MEIG1: variants seen among roughly 807,000 people sequenced by gnomAD.
MEIG1 encodes the protein meiosis expressed gene 1 protein homolog.
MEIG1 carries 12 observed loss-of-function variants against 11.3 expected under a neutral mutation model. The ratio of observed to expected loss-of-function variants is 1.07; its 90% CI spans 0.68 to 1.73. The LOEUF (loss-of-function observed/expected upper bound fraction) is 1.73, where lower values mean the gene tolerates loss of function less well. Ranked by LOEUF, MEIG1 falls within the 40% of genes most tolerant of loss-of-function variation. MEIG1 has a pLI of 0.00. For missense variants in MEIG1, 119 were observed against 104.9 expected, an observed-to-expected ratio of 1.13 and a Z score of -0.59; for synonymous variants, 41 against 33.2, an observed-to-expected ratio of 1.24 and a Z score of -0.81.
At chr10:14,985,624 G>T (rs776408378) in intron 1 of MEIG1, among the ~76,000 whole-genome samples, 1 of 151,960 alleles carries the variant, frequency 6.6e-6, no homozygotes, top group Non-Finnish European at 1.5e-5. Flanking sequence ...CACCACCTGT[G>T]ATATTATTCA....
At chr10:14,964,606 TATAC>T (rs758710436) in intron 1 of MEIG1, among the ~76,000 whole-genome samples, 22,599 of 104,328 alleles carry the variant, frequency 0.22, 2,581 homozygotes, top group Middle Eastern at 0.29. Context: ...TATATATATA[TATAC>T]ACACACACAC....
At chr10:14,960,947 T>C (rs959344894) in intron 1 of MEIG1, among the ~76,000 whole-genome samples, 1 of 152,106 alleles carries the variant, frequency 6.6e-6, no homozygotes, top group Non-Finnish European at 1.5e-5. Flanking sequence ...GAGAATCGCT[T>C]TAACCTGGGA....
In MEIG1 at chr10:14,965,574, G is replaced by C. The variant is rs188070976; in HGVS notation, c.-29-866G>C. 2.9e-3 allele frequency among the ~76,000 whole-genome samples: 435 copies of C among 152,150 alleles called. 4 individuals are homozygous for C. Among genetic ancestry groups the C allele is most frequent in the Admixed American group, 0.025 (387 of 15,264 alleles). On this transcript the variant is annotated intron_variant, in intron 1 of 2. Transcript: ENST00000407572. ...CCTCAGTAAATGAATTGCAGCAATT[G>C]GGATGTCTCCAAGCAATTAAGAAGT... is the stretch of plus-strand genomic sequence containing the variant.
At chr10:14,974,634 A>G (rs1484190851), downstream of MEIG1, among the ~76,000 whole-genome samples, 1 of 152,120 alleles carries the variant, frequency 6.6e-6, no homozygotes, top group Non-Finnish European at 1.5e-5. Context: ...ACTAATAACT[A>G]TCAATATTAA....
chr10:14,966,091 T>G (rs1217083740), intron 1 of MEIG1, among the ~76,000 whole-genome samples: 1 of 95,548 alleles, frequency 1.0e-5, no homozygotes, highest in African/African-American at 4.0e-5. Context: ...TGAGATGGAG[T>G]CTTGCTCTGT....
chr10:14,974,230 A>G (rs1468564321), downstream of MEIG1, among the ~76,000 whole-genome samples: 1 of 152,024 alleles, frequency 6.6e-6, no homozygotes, highest in Non-Finnish European at 1.5e-5. Context: ...GGTTTTGACA[A>G]TCAGCTGGTG....
chr10:14,977,056 C>T (rs1843217156), downstream of MEIG1, among the ~76,000 whole-genome samples: 1 of 151,858 alleles, frequency 6.6e-6, no homozygotes, highest in African/African-American at 2.4e-5. Context: ...TGTCCTAGCG[C>T]AATTTTACTT....
chr10:14,968,575 T>G (rs1315194453), intron 2 of MEIG1, among the ~76,000 whole-genome samples: 1 of 152,126 alleles, frequency 6.6e-6, no homozygotes, highest in African/African-American at 2.4e-5. Flanking sequence ...TGTTATTACC[T>G]CTTTAATAGA....
intron 1 of MEIG1, among the ~76,000 whole-genome samples, chr10:14,981,462 C>T (rs1167666405): frequency 6.6e-6 from 1 of 152,110 alleles, no homozygotes; most frequent in Non-Finnish European, 1.5e-5. Flanking sequence ...AAGTCCGAGG[C>T]GAGCAGAAAG....
intron 1 of MEIG1, among the ~76,000 whole-genome samples, chr10:14,984,885 G>T (rs1250749108): frequency 1.3e-5 from 2 of 151,788 alleles, no homozygotes; most frequent in African/African-American, 4.8e-5. Context: ...TCCTGTACAC[G>T]CTTCAATATT....
chr10:14,981,827 C>G (rs1265529252), intron 1 of MEIG1, among the ~76,000 whole-genome samples: 2 of 152,208 alleles, frequency 1.3e-5, no homozygotes, highest in Admixed American at 1.3e-4. Flanking sequence ...AGCTGAGTTT[C>G]TTTCCCAGGG....
Position 14,987,307 on chromosome 10 carries a change from G to C in MEIG1, n.285+293G>C, listed in dbSNP as rs913994700. ...AGCTGACAGCCAGGATGCTGAGCAGGTTCCTCAGAACCATGACCAGATACA... is the reference window on the plus strand; with the variant it reads ...AGCTGACAGCCAGGATGCTGAGCAGCTTCCTCAGAACCATGACCAGATACA... On this transcript the variant is annotated intron_variant and non_coding_transcript_variant, in intron 2 of 2. Coordinates refer to the MEIG1 transcript ENST00000467536. 3.6e-5 allele frequency: 29 copies of C among 805,910 alleles called. No homozygotes were observed. The Admixed American group carries it at 5.2e-4, about 14-fold the overall frequency. The allele number at this position is 805,910 out of a possible 1,614,324, so 49.9% of individuals were successfully genotyped here.
intron 2 of MEIG1, chr10:14,987,474 G>A: frequency 1.4e-6 from 1 of 714,298 alleles, no homozygotes; most frequent in East Asian, 2.7e-5. Context: ...AAGGAAAGAG[G>A]ATTGGAAAAT....
intron 1 of MEIG1, among the ~76,000 whole-genome samples, chr10:14,986,531 C>G (rs1198549649): frequency 6.6e-6 from 1 of 152,154 alleles, no homozygotes; most frequent in East Asian, 1.9e-4. Flanking sequence ...CAATTATCCA[C>G]TTGTCTTCAT....
downstream of MEIG1, among the ~76,000 whole-genome samples, chr10:14,977,239 C>T (rs868518866): frequency 5.9e-5 from 9 of 151,894 alleles, no homozygotes; most frequent in Non-Finnish European, 1.2e-4. Context: ...AATATTCTAG[C>T]GAGATGATAC....
In MEIG1 at chr10:14,972,501, C is replaced by T; in HGVS notation, c.139-12C>T. 1 of 1,613,862 alleles carries T rather than the reference C, an allele frequency of 6.2e-7. No individual in the cohort carries two copies. Among genetic ancestry groups the T allele is most frequent in the Non-Finnish European group, 8.5e-7 (1 of 1,179,864 alleles). On this transcript the variant is annotated splice_polypyrimidine_tract_variant and intron_variant, in intron 2 of 2. Coordinates refer to ENST00000407572, the MANE Select transcript of MEIG1 (RefSeq NM_001080836.3). ...CCATTGTAACGTTTGTACTCTGGTT[C>T]TTGATGTGCAGGTAGATCGTTGGCC...
At chr10:14,970,807 T>C (rs998385557) in intron 2 of MEIG1, among the ~76,000 whole-genome samples, 1 of 152,212 alleles carries the variant, frequency 6.6e-6, no homozygotes, top group Admixed American at 6.5e-5. Flanking sequence ...GGTGCAGGAC[T>C]ACCTGTATAG....
chr10:14,968,312 AC>A (rs1311784450), intron 2 of MEIG1, among the ~76,000 whole-genome samples: 1 of 151,958 alleles, frequency 6.6e-6, no homozygotes, highest in Non-Finnish European at 1.5e-5. Flanking sequence ...ACATGGTGAA[AC>A]CCTGTCTCTA....
intron 2 of MEIG1, among the ~76,000 whole-genome samples, chr10:14,969,441 C>T (rs1030886495): frequency 1.4e-5 from 2 of 145,168 alleles, no homozygotes; most frequent in Admixed American, 1.4e-4. Flanking sequence ...GAGCAAGACC[C>T]TGTCTCAAAA....
Sources: allele counts gnomAD v4.1 joint callset (sites outside exome capture counted in the v4.1 genomes callset), GRCh38; gene constraint gnomAD v4.1.1; transcripts MANE v1.5; gene names NCBI Gene and HGNC (gene_info 2026-07-23, HGNC 2026-07-21).